NBAS: variants seen among roughly 807,000 people sequenced by gnomAD.
NBAS encodes NAG/BC035112 fusion.
NBAS carries 219 observed loss-of-function variants against 302.5 expected under a neutral mutation model. The observed-to-expected ratio is 0.72, with a 90% CI of 0.65 to 0.81. The LOEUF (loss-of-function observed/expected upper bound fraction) is 0.81, where lower values mean the gene tolerates loss of function less well. Ranked by LOEUF, NBAS falls within the 30% of genes least tolerant of loss-of-function variation. The pLI is 0.00. For missense variants in NBAS, 2,932 were observed against 2,841.6 expected (o/e 1.03, Z -0.72); for synonymous variants, 1,118 against 1,021.6 (o/e 1.09, Z -1.80).
intron 21 of NBAS, among the ~76,000 whole-genome samples, chr2:15,439,651 G>A (rs929834826): frequency 3.3e-5 from 5 of 152,094 alleles, no homozygotes; most frequent in African/African-American, 4.8e-5. Context: ...CCAGACAGTG[G>A]GCGCAGGTCA....
At chr2:14,784,669 T>C in the NBAS span, among the ~76,000 whole-genome samples, 1 of 152,170 alleles carries the variant, frequency 6.6e-6, no homozygotes, top group African/African-American at 2.4e-5. Context: ...TTCTGTTCCA[T>C]TGATATATAT....
At position 15,467,774 on chromosome 2, in the gene NBAS, G is replaced by T; in HGVS notation, c.1908C>A (p.Asp636Glu). 1 of 1,593,794 alleles carries T rather than the reference G, an allele frequency of 6.3e-7. No individual in the cohort carries two copies. Among genetic ancestry groups the T allele is most frequent in the Non-Finnish European group, 8.6e-7 (1 of 1,162,010 alleles). The change falls in exon 18 of 52, where the codon GAC becomes GAA. Residue 636 changes from aspartate (D) to glutamate (E), a missense_variant. By Grantham distance (45) the Asp-to-Glu change is conservative. Coordinates refer to ENST00000281513, the MANE Select transcript of NBAS (RefSeq NM_015909.4). Reference sequence around the variant, plus strand: ...GTGAAAGCTCTTCATAGGAGATACTGTCAATGTCTATTTCACCAGGTAATG... The same window carrying T: ...GTGAAAGCTCTTCATAGGAGATACTTTCAATGTCTATTTCACCAGGTAATG... ...RFTLPGEIDI[D>E]SISYEELSPP...
At chr2:15,340,266 G>A (rs1245966130) in intron 35 of NBAS, among the ~76,000 whole-genome samples, 1 of 152,174 alleles carries the variant, frequency 6.6e-6, no homozygotes, top group Admixed American at 6.5e-5. Flanking sequence ...TAGCAGTGGT[G>A]ATAGTAAAAT....
intron 21 of NBAS, among the ~76,000 whole-genome samples, chr2:15,443,757 C>A (rs1354447033): frequency 6.6e-6 from 1 of 150,660 alleles, no homozygotes; most frequent in Non-Finnish European, 1.5e-5. Flanking sequence ...GAAAACCCCA[C>A]TGTCTCAGCC....
At chr2:15,120,386 G>A in the NBAS span, among the ~76,000 whole-genome samples, 1 of 152,086 alleles carries the variant, frequency 6.6e-6, no homozygotes. Flanking sequence ...TAAGTGACAA[G>A]CCCACACCTG....
At chr2:14,869,881 T>G in the NBAS span, among the ~76,000 whole-genome samples, 1 of 152,234 alleles carries the variant, frequency 6.6e-6, no homozygotes, top group Non-Finnish European at 1.5e-5. Context: ...GCCAGGATGC[T>G]AATTCCTTTC....
chr2:14,820,098 C>A, the NBAS span, among the ~76,000 whole-genome samples: 368 of 152,258 alleles, frequency 2.4e-3, no homozygotes, highest in African/African-American at 8.1e-3. Flanking sequence ...ATGGAGGACA[C>A]TTTGGAGGTT....
chr2:14,872,792 T>G, the NBAS span, among the ~76,000 whole-genome samples: 2 of 152,206 alleles, frequency 1.3e-5, no homozygotes, highest in African/African-American at 4.8e-5. Context: ...CCCAGTCGGT[T>G]GGCAGTCTTG....
At chr2:15,031,141 G>GT in the NBAS span, among the ~76,000 whole-genome samples, 3 of 152,196 alleles carry the variant, frequency 2.0e-5, no homozygotes, top group African/African-American at 7.2e-5. Context: ...ATCATTGGCT[G>GT]TCAAAAAATA....
At chr2:14,849,134 C>T in the NBAS span, among the ~76,000 whole-genome samples, 14 of 140,628 alleles carry the variant, frequency 1.0e-4, no homozygotes, top group South Asian at 2.4e-4. Context: ...CTCTGAGCTA[C>T]GGGAGGACAT....
chr2:14,855,649 G>C, the NBAS span, among the ~76,000 whole-genome samples: 1 of 152,138 alleles, frequency 6.6e-6, no homozygotes, highest in African/African-American at 2.4e-5. Flanking sequence ...CTCATGGCCT[G>C]GGGTAGCAGT....
At chr2:15,315,040 C>T (rs1437874649) in intron 38 of NBAS, among the ~76,000 whole-genome samples, 2 of 152,156 alleles carry the variant, frequency 1.3e-5, no homozygotes, top group African/African-American at 2.4e-5. Flanking sequence ...GAGGCTAAGA[C>T]TTTCTAGGGT....
At chr2:15,187,221 C>G (rs1665130873) in intron 49 of NBAS, among the ~76,000 whole-genome samples, 1 of 151,850 alleles carries the variant, frequency 6.6e-6, no homozygotes, top group African/African-American at 2.4e-5. Context: ...GAAGTCACAC[C>G]CTTCTGGGCC....
At chr2:14,871,245 G>A in the NBAS span, among the ~76,000 whole-genome samples, 1 of 150,942 alleles carries the variant, frequency 6.6e-6, no homozygotes, top group Admixed American at 6.6e-5. Context: ...AAAATCTAAA[G>A]AAAATATGGC....
At chr2:14,870,546 T>A in the NBAS span, among the ~76,000 whole-genome samples, 1 of 152,064 alleles carries the variant, frequency 6.6e-6, no homozygotes, top group South Asian at 2.1e-4. Flanking sequence ...TAGCCCAGAA[T>A]AAAGGTGGCT....
intron 50 of NBAS, chr2:15,180,181 T>G (rs557492924): frequency 6.6e-6 from 1 of 152,218 alleles, no homozygotes; most frequent in Non-Finnish European, 1.5e-5. Context: ...ATGACACAAG[T>G]AAGCTCGCAT....
chr2:15,227,527 G>T (rs946087033), intron 47 of NBAS, among the ~76,000 whole-genome samples: 1 of 151,754 alleles, frequency 6.6e-6, no homozygotes, highest in East Asian at 1.9e-4. Context: ...AAAGGCAAAA[G>T]ACCCTGGATA....
At chr2:15,196,229 T>C (rs1665613359) in intron 48 of NBAS, among the ~76,000 whole-genome samples, 1 of 152,214 alleles carries the variant, frequency 6.6e-6, no homozygotes, top group Non-Finnish European at 1.5e-5. Context: ...TTGCCATTGC[T>C]AACATCTTGA....
At chr2:15,508,620 T>C (rs1340152932) in intron 10 of NBAS, among the ~76,000 whole-genome samples, 1 of 148,940 alleles carries the variant, frequency 6.7e-6, no homozygotes, top group East Asian at 1.9e-4. Flanking sequence ...ATTAACATTT[T>C]GTCACATTTG....
Sources: allele counts gnomAD v4.1 joint callset (sites outside exome capture counted in the v4.1 genomes callset), GRCh38; gene constraint gnomAD v4.1.1; transcripts MANE v1.5; gene names NCBI Gene and HGNC (gene_info 2026-07-23, HGNC 2026-07-21).